Variants in EPHB1 observed in about 807,000 individuals in gnomAD.
EPHB1 encodes the protein EPH receptor B1.
In EPHB1, 30 loss-of-function variants were observed where a neutral mutation model predicts 94.4. The observed-to-expected ratio is 0.32, with a 90% CI of 0.24 to 0.43. The LOEUF is 0.43. EPHB1 is among the 20% of genes least tolerant of loss of function. The pLI, the probability that EPHB1 is intolerant of heterozygous loss-of-function variation, is 1.00. For missense variants in EPHB1, 1,055 were observed against 1,308.3 expected, an observed-to-expected ratio of 0.81 and a Z score of 2.99; for synonymous variants, 522 against 489.1, an observed-to-expected ratio of 1.07 and a Z score of -0.89.
chr3:135,130,550 G>C (rs1940381033), intron 4 of EPHB1, among the ~76,000 whole-genome samples: 1 of 152,184 alleles, frequency 6.6e-6, no homozygotes, highest in Non-Finnish European at 1.5e-5. Context: ...ATGATGTTTT[G>C]GTTTGAAAAT....
At chr3:134,799,156 A>G (rs112873673) in intron 1 of EPHB1, among the ~76,000 whole-genome samples, 2 of 152,370 alleles carry the variant, frequency 1.3e-5, no homozygotes, top group African/African-American at 4.8e-5. Flanking sequence ...ATGCTAGGGC[A>G]CTGAATTTCA....
At chr3:135,241,557 G>A (rs1943782756) in intron 13 of EPHB1, among the ~76,000 whole-genome samples, 5 of 152,212 alleles carry the variant, frequency 3.3e-5, no homozygotes, top group Admixed American at 3.3e-4. Flanking sequence ...ACAATGGGCT[G>A]TTTCCAAATG....
At chr3:135,135,008 A>AT (rs1940567469) in intron 5 of EPHB1, among the ~76,000 whole-genome samples, 1 of 152,116 alleles carries the variant, frequency 6.6e-6, no homozygotes. Flanking sequence ...GGGGCCCTGC[A>AT]TTACCAACAT....
At chr3:134,897,329 G>T (rs1578179089) in intron 1 of EPHB1, among the ~76,000 whole-genome samples, 1 of 151,876 alleles carries the variant, frequency 6.6e-6, no homozygotes, top group South Asian at 2.1e-4. Flanking sequence ...TCATTCTTGG[G>T]TCAGGGGTGA....
chr3:134,957,093 G>C (rs1933306655), intron 3 of EPHB1, among the ~76,000 whole-genome samples: 1 of 152,206 alleles, frequency 6.6e-6, no homozygotes, highest in Admixed American at 6.5e-5. Flanking sequence ...ACCAAGTGGA[G>C]AGAGAAGACT....
Position 135,199,773 on chromosome 3 carries a change from T to C in EPHB1, c.2131-1701T>C, listed in dbSNP as rs16842797. Among the ~76,000 whole-genome samples the C allele has an allele frequency of 8.6e-3, 1,314 of 152,344 alleles. 17 individuals are homozygous for C. Among genetic ancestry groups the C allele is most frequent in the South Asian group, 0.033 (161 of 4,828 alleles). ...GAGTTTCCAACAATTCATGCAATCA[T>C]TGTTAGACTTTTTGATTGTTGTTGT... On this transcript the variant is annotated intron_variant, in intron 11 of 15. Transcript: ENST00000398015.
chr3:134,976,743 A>C (rs1576288798), intron 3 of EPHB1, among the ~76,000 whole-genome samples: 1 of 152,302 alleles, frequency 6.6e-6, no homozygotes, highest in Admixed American at 6.5e-5. Context: ...GGGTTAAAAA[A>C]AAAGGTTAGG....
chr3:134,920,911 C>G (rs978507025), intron 1 of EPHB1, among the ~76,000 whole-genome samples: 2 of 151,966 alleles, frequency 1.3e-5, no homozygotes, highest in Admixed American at 1.3e-4. Flanking sequence ...AATATGGGAT[C>G]TCTCTGTCAG....
At chr3:134,932,576 G>A (rs897144881) in intron 2 of EPHB1, among the ~76,000 whole-genome samples, 21 of 152,294 alleles carry the variant, frequency 1.4e-4, no homozygotes, top group African/African-American at 4.1e-4. Flanking sequence ...TCTTGGGTCT[G>A]TTATTTAGAC....
At chr3:135,046,108 C>T (rs1284087392) in intron 3 of EPHB1, among the ~76,000 whole-genome samples, 24 of 152,112 alleles carry the variant, frequency 1.6e-4, no homozygotes, top group Non-Finnish European at 1.5e-5. Flanking sequence ...TGCTGTAAAA[C>T]CCAGTTTTCT....
intron 1 of EPHB1, chr3:134,841,502 G>A (rs1424626814): frequency 6.6e-6 from 1 of 152,210 alleles, no homozygotes; most frequent in Non-Finnish European, 1.5e-5. Context: ...GGAGGCAGTA[G>A]GATGAGAGAT....
chr3:135,050,394 T>C (rs1036264743), intron 3 of EPHB1, among the ~76,000 whole-genome samples: 1 of 152,226 alleles, frequency 6.6e-6, no homozygotes, highest in Non-Finnish European at 1.5e-5. Flanking sequence ...TAAACTTATA[T>C]GTTTAAAAAA....
intron 3 of EPHB1, among the ~76,000 whole-genome samples, chr3:135,069,782 G>C (rs943121499): frequency 6.6e-6 from 1 of 151,836 alleles, no homozygotes; most frequent in African/African-American, 2.4e-5. Flanking sequence ...ATAACCTTGT[G>C]TTCAAATTTT....
At chr3:135,109,819 G>A (rs1294150014) in intron 4 of EPHB1, among the ~76,000 whole-genome samples, 1 of 152,194 alleles carries the variant, frequency 6.6e-6, no homozygotes, top group East Asian at 1.9e-4. Flanking sequence ...AAGCTGGGCA[G>A]GAGCAATGGC....
chr3:135,038,673 C>G (rs144105123), intron 3 of EPHB1, among the ~76,000 whole-genome samples: 1 of 151,834 alleles, frequency 6.6e-6, no homozygotes, highest in Non-Finnish European at 1.5e-5. Context: ...CAGATGTGTT[C>G]GGAGTTTCTT....
At chr3:134,807,546 AGAGAG>A (rs1391176649) in intron 1 of EPHB1, among the ~76,000 whole-genome samples, 1 of 4,198 alleles carries the variant, frequency 2.4e-4, no homozygotes, top group East Asian at 0.25. Context: ...TGTGTGAGAG[AGAGAG>A]GGGAGAGAGA....
At chr3:134,960,828 T>C (rs1933488147) in intron 3 of EPHB1, among the ~76,000 whole-genome samples, 1 of 152,186 alleles carries the variant, frequency 6.6e-6, no homozygotes, top group Admixed American at 6.5e-5. Flanking sequence ...ACCTAGTTCA[T>C]TAGAAAGGCT....
At chr3:135,004,745 T>C (rs1935326368) in intron 3 of EPHB1, among the ~76,000 whole-genome samples, 1 of 151,930 alleles carries the variant, frequency 6.6e-6, no homozygotes, top group Non-Finnish European at 1.5e-5. Context: ...TTCCAGTTGA[T>C]TGCATCGGCT....
intron 3 of EPHB1, among the ~76,000 whole-genome samples, chr3:135,045,673 G>A (rs905714043): frequency 6.6e-6 from 1 of 152,202 alleles, no homozygotes; most frequent in African/African-American, 2.4e-5. Flanking sequence ...AGTGAAAATT[G>A]GAGCTTTGGG....
Sources: gnomAD v4.1 joint callset for allele counts (sites outside exome capture counted in the v4.1 genomes callset) on GRCh38, gnomAD v4.1.1 for gene constraint, MANE v1.5 for transcripts, NCBI Gene and HGNC (gene_info 2026-07-23, HGNC 2026-07-21) for gene names.